Variants in PCDH15 observed in about 807,000 individuals in gnomAD.
PCDH15 encodes the protein protocadherin-15.
A neutral mutation model predicts 178.5 loss-of-function variants in PCDH15; 129 were observed. That is an observed-to-expected ratio of 0.72 (90% CI 0.63 to 0.84). The LOEUF is 0.84. Ranked by LOEUF, PCDH15 falls within the 40% of genes least tolerant of loss-of-function variation. The probability of loss-of-function intolerance (pLI) is 0.00; values close to 1 mark genes in which losing one functional copy is unlikely to be tolerated. For synonymous variants in PCDH15, 800 were observed against 732.0 expected, an observed-to-expected ratio of 1.09 and a Z score of -1.50; for missense variants, 2,230 against 2,099.9, an observed-to-expected ratio of 1.06 and a Z score of -1.21.
chr10:55,039,366 A>C (rs2131975198), intron 2 of PCDH15, among the ~76,000 whole-genome samples: 1 of 152,282 alleles, frequency 6.6e-6, no homozygotes, highest in South Asian at 2.1e-4. Context: ...TGAATCTTAA[A>C]ATGAATCAAT....
intron 8 of PCDH15, among the ~76,000 whole-genome samples, chr10:54,315,972 GGTTTT>G: frequency 1.1e-5 from 1 of 92,330 alleles, no homozygotes; most frequent in East Asian, 2.1e-4. Context: ...TTGTTTTTTG[GGTTTT>G]GTTTTTTTTT....
At chr10:53,822,357 AGAGGAAGAGG>A (rs1347213372) in intron 32 of PCDH15, 4 of 1,580,180 alleles carry the variant, frequency 2.5e-6, no homozygotes, top group Non-Finnish European at 3.4e-6. Context: ...AGGAGGAGGA[AGAGGAAGAGG>A]GATAGAAGGA....
intron 6 of PCDH15, among the ~76,000 whole-genome samples, chr10:54,341,620 C>A (rs994836729): frequency 2.0e-5 from 3 of 152,106 alleles, no homozygotes; most frequent in African/African-American, 7.2e-5. Context: ...AACTTTGGAA[C>A]TGGGTAATGG....
chr10:54,822,688 T>A (rs894175019), intron 3 of PCDH15, among the ~76,000 whole-genome samples: 1 of 152,034 alleles, frequency 6.6e-6, no homozygotes, highest in Admixed American at 6.6e-5. Flanking sequence ...AATTCTATTT[T>A]TATTTTTTTG....
At chr10:55,498,609 C>T (rs988133166) in intron 2 of PCDH15, among the ~76,000 whole-genome samples, 1 of 151,846 alleles carries the variant, frequency 6.6e-6, no homozygotes, top group Non-Finnish European at 1.5e-5. Context: ...AAAACTGAGT[C>T]ATACTATGCC....
chr10:55,116,686 G>C (rs927588332), intron 2 of PCDH15, among the ~76,000 whole-genome samples: 1 of 152,110 alleles, frequency 6.6e-6, no homozygotes. Context: ...CATGGAAAAG[G>C]GTAATGAAGT....
At chr10:54,888,868 A>G (rs1253319981) in intron 3 of PCDH15, among the ~76,000 whole-genome samples, 2 of 150,294 alleles carry the variant, frequency 1.3e-5, no homozygotes. Context: ...TGTCTTTTAC[A>G]GATGTGTTAT....
chr10:55,062,688 C>T (rs1311785626), intron 2 of PCDH15, among the ~76,000 whole-genome samples: 1 of 152,058 alleles, frequency 6.6e-6, no homozygotes, highest in Non-Finnish European at 1.5e-5. Flanking sequence ...TAGTCCAAAC[C>T]CATATAATGT....
At chr10:54,358,004 A>T (rs1412605391) in intron 5 of PCDH15, among the ~76,000 whole-genome samples, 8 of 151,656 alleles carry the variant, frequency 5.3e-5, no homozygotes, top group African/African-American at 1.7e-4. Flanking sequence ...ACCTTATACA[A>T]AAATTAATTC....
chr10:55,083,588 A>G (rs1842095263), intron 2 of PCDH15, among the ~76,000 whole-genome samples: 2 of 151,902 alleles, frequency 1.3e-5, no homozygotes, highest in African/African-American at 4.8e-5. Context: ...AGAAAGGAAT[A>G]AGGGGCATAT....
rs180905967 is a variant in PCDH15, at chr10:53,949,580, A to T, written c.3123-8605T>A. Among the ~76,000 whole-genome samples the T allele has an allele frequency of 1.5e-3, 234 of 152,012 alleles. 1 individual carries two copies. The highest frequency in any genetic ancestry group is 4.4e-3 in the South Asian group (21 of 4,818). ...AGACACTGTCACTACAAAATAATTA[A>T]AAAAAAAATTAGCTGGGCATGGTGG... On this transcript the variant is annotated intron_variant, in intron 23 of 37. Transcript: ENST00000644397.
chr10:54,809,636 G>A (rs547970586), intron 3 of PCDH15, among the ~76,000 whole-genome samples: 4 of 152,180 alleles, frequency 2.6e-5, no homozygotes, highest in Non-Finnish European at 4.4e-5. Context: ...AATGCTGCAT[G>A]TTTATTTATT....
intron 28 of PCDH15, among the ~76,000 whole-genome samples, chr10:53,844,944 T>C (rs2132834873): frequency 6.6e-6 from 1 of 152,040 alleles, no homozygotes; most frequent in Middle Eastern, 3.4e-3. Flanking sequence ...AGAGACAACC[T>C]ATAGAATAAG....
At chr10:54,111,183 T>G (rs2095016824) in intron 15 of PCDH15, among the ~76,000 whole-genome samples, 1 of 152,172 alleles carries the variant, frequency 6.6e-6, no homozygotes, top group Admixed American at 6.5e-5. Flanking sequence ...TGTGAAGCAA[T>G]AAATAGCTTC....
intron 1 of PCDH15, among the ~76,000 whole-genome samples, chr10:55,259,902 C>CAAAAAA (rs749939571): frequency 1.9e-4 from 10 of 52,012 alleles, no homozygotes; most frequent in Non-Finnish European, 2.5e-4. Context: ...AACTCCGTCT[C>CAAAAAA]AAAAAAAAAA....
At chr10:53,888,713 G>A (rs2081353865) in intron 26 of PCDH15, among the ~76,000 whole-genome samples, 1 of 49,882 alleles carries the variant, frequency 2.0e-5, no homozygotes, top group African/African-American at 5.0e-5. Flanking sequence ...ATCTCCTGTG[G>A]AAATTGATAA....
chr10:54,894,562 T>G (rs11004625), intron 3 of PCDH15, among the ~76,000 whole-genome samples: 17,114 of 152,194 alleles, frequency 0.11, 1,315 homozygotes, highest in East Asian at 0.24. Flanking sequence ...GGAAACATTT[T>G]GTAGTTCAAA....
intron 1 of PCDH15, among the ~76,000 whole-genome samples, chr10:55,303,439 GT>G (rs1040173340): frequency 3.3e-5 from 5 of 152,264 alleles, no homozygotes; most frequent in Non-Finnish European, 7.4e-5. Flanking sequence ...TATTTCCATT[GT>G]GGACTAACAG....
At chr10:55,280,576 AC>A (rs938603360) in intron 1 of PCDH15, among the ~76,000 whole-genome samples, 1 of 150,122 alleles carries the variant, frequency 6.7e-6, no homozygotes, top group Admixed American at 6.7e-5. Flanking sequence ...GGCGTGAGCC[AC>A]CGTGCCAGGC....
Sources: gnomAD v4.1 joint callset for allele counts (sites outside exome capture counted in the v4.1 genomes callset) on GRCh38, gnomAD v4.1.1 for gene constraint, MANE v1.5 for transcripts, NCBI Gene and HGNC (gene_info 2026-07-23, HGNC 2026-07-21) for gene names.